The following ROBO2 variants were observed in gnomAD, a reference collection of about 807,000 sequenced individuals.
ROBO2 encodes the protein roundabout homolog 2.
Under a neutral mutation model 160.8 loss-of-function variants are expected in ROBO2, and 53 were observed. The observed-to-expected ratio is 0.33, with a 90% CI of 0.26 to 0.41. The LOEUF (loss-of-function observed/expected upper bound fraction) is 0.41, where lower values mean the gene tolerates loss of function less well. ROBO2 is among the 10% of genes least tolerant of loss of function. The pLI, the probability that ROBO2 is intolerant of heterozygous loss-of-function variation, is 1.00. For synonymous variants in ROBO2, 664 were observed against 611.7 expected (o/e 1.09, Z -1.26); for missense variants, 1,577 against 1,722.4 (o/e 0.92, Z 1.49).
intron 2 of ROBO2, among the ~76,000 whole-genome samples, chr3:76,654,239 C>T (rs17745224): frequency 0.17 from 25,444 of 152,084 alleles, 2,329 homozygotes; most frequent in Non-Finnish European, 0.2. Context: ...CAAGGGGCTT[C>T]TGAAATAGAT....
chr3:76,053,283 G>A (rs954035733), intron 2 of ROBO2, among the ~76,000 whole-genome samples: 1 of 152,000 alleles, frequency 6.6e-6, no homozygotes, highest in African/African-American at 2.4e-5. Context: ...CTAACGCAAA[G>A]TTACTGAGAC....
chr3:76,782,238 T>C (rs573568247), intron 2 of ROBO2, among the ~76,000 whole-genome samples: 4 of 150,916 alleles, frequency 2.7e-5, no homozygotes, highest in African/African-American at 7.2e-5. Flanking sequence ...CATACCGTTA[T>C]GGTAGAAAAG....
chr3:77,603,892 T>C (rs954102895), intron 20 of ROBO2: 2 of 152,182 alleles, frequency 1.3e-5, no homozygotes, highest in Non-Finnish European at 1.5e-5. Context: ...TTTAATTTGT[T>C]TGGATTAACT....
chr3:77,400,085 G>T (rs775587231), intron 2 of ROBO2, among the ~76,000 whole-genome samples: 29 of 152,166 alleles, frequency 1.9e-4, no homozygotes, highest in Non-Finnish European at 3.8e-4. Flanking sequence ...AGCTAGTAAT[G>T]AAAGCATTGA....
intron 2 of ROBO2, among the ~76,000 whole-genome samples, chr3:76,452,064 GTCTT>G (rs1008779832): frequency 1.1e-4 from 17 of 152,134 alleles, no homozygotes; most frequent in African/African-American, 3.9e-4. Flanking sequence ...GCAAACGTTT[GTCTT>G]TCTAAATATT....
At chr3:76,053,009 T>C (rs1231692487) in intron 2 of ROBO2, among the ~76,000 whole-genome samples, 1 of 151,986 alleles carries the variant, frequency 6.6e-6, no homozygotes, top group East Asian at 1.9e-4. Context: ...AGCTTTAACT[T>C]TGAGATAATT....
At chr3:76,768,206 C>A (rs912062530) in intron 2 of ROBO2, among the ~76,000 whole-genome samples, 3 of 151,234 alleles carry the variant, frequency 2.0e-5, no homozygotes, top group East Asian at 2.0e-4. Flanking sequence ...ATATACTAAT[C>A]TTTATTGTGA....
Position 77,503,474 on chromosome 3 carries a change from A to G in ROBO2, c.806+10092A>G, listed in dbSNP as rs544743554. Among the ~76,000 whole-genome samples, 106 of 151,202 alleles carry G rather than the reference A, an allele frequency of 7.0e-4. 1 individual carries two copies. The East Asian group carries it at 0.019, about 27-fold the overall frequency. On this transcript the variant is annotated intron_variant, in intron 5 of 25. Coordinates refer to ENST00000461745, the Ensembl canonical transcript of ROBO2. Reference sequence around the variant, plus strand: ...GGGAGGCAGAGCTTGCAGTGAGCCAAGATCGCGCCACTGCACTCCAGCCTG... The same window carrying G: ...GGGAGGCAGAGCTTGCAGTGAGCCAGGATCGCGCCACTGCACTCCAGCCTG...
At chr3:76,685,270 G>C (rs886947104) in intron 2 of ROBO2, among the ~76,000 whole-genome samples, 1 of 150,710 alleles carries the variant, frequency 6.6e-6, no homozygotes, top group Admixed American at 6.6e-5. Flanking sequence ...GACAGTCGAG[G>C]TTTTGAAGCA....
chr3:76,038,845 A>C (rs1344490717), intron 2 of ROBO2, among the ~76,000 whole-genome samples: 1 of 151,518 alleles, frequency 6.6e-6, no homozygotes, highest in Non-Finnish European at 1.5e-5. Context: ...GTGTCTAGTA[A>C]TCTTACACTG....
chr3:76,912,340 A>T (rs1237932796), intron 2 of ROBO2, among the ~76,000 whole-genome samples: 2 of 152,200 alleles, frequency 1.3e-5, no homozygotes, highest in African/African-American at 4.8e-5. Flanking sequence ...GATAGTTTTT[A>T]AAAATTATAT....
intron 2 of ROBO2, among the ~76,000 whole-genome samples, chr3:76,162,389 A>G (rs2072675879): frequency 6.6e-6 from 1 of 152,110 alleles, no homozygotes; most frequent in Non-Finnish European, 1.5e-5. Context: ...AGCCCACTAT[A>G]GGATCAAACT....
intron 2 of ROBO2, among the ~76,000 whole-genome samples, chr3:77,031,025 T>C (rs900985580): frequency 6.6e-6 from 1 of 152,198 alleles, no homozygotes; most frequent in South Asian, 2.1e-4. Flanking sequence ...ATATGCATGA[T>C]AGTAGGTACA....
At chr3:76,952,018 T>C (rs906107887) in intron 2 of ROBO2, among the ~76,000 whole-genome samples, 1 of 152,218 alleles carries the variant, frequency 6.6e-6, no homozygotes, top group Non-Finnish European at 1.5e-5. Context: ...TACATATCTT[T>C]AGTAAATTGT....
At chr3:77,576,100 C>T (rs1213169506) in intron 14 of ROBO2, among the ~76,000 whole-genome samples, 1 of 152,026 alleles carries the variant, frequency 6.6e-6, no homozygotes, top group Non-Finnish European at 1.5e-5. Flanking sequence ...ATGAGAAACC[C>T]ATTCTGAAAG....
intron 2 of ROBO2, among the ~76,000 whole-genome samples, chr3:76,864,013 G>A (rs1040231831): frequency 1.3e-5 from 2 of 151,982 alleles, no homozygotes; most frequent in African/African-American, 4.8e-5. Context: ...ATTTCCAGGT[G>A]AGTGGGCATT....
In ROBO2 at chr3:77,602,195, C is replaced by G. The variant is rs746822515; in HGVS notation, c.2855-15C>G. ...TGCCTCATTAAATTGTTTCATTTCC[C>G]TATGTTCACCACAGATGTGCTGCCA... On this transcript the variant is annotated splice_polypyrimidine_tract_variant and intron_variant, in intron 19 of 25. Transcript: ENST00000461745. 1.2e-6 allele frequency: 2 copies of G among 1,614,030 alleles called. No homozygotes were observed. Among genetic ancestry groups the G allele is most frequent in the South Asian group, 2.2e-5 (2 of 91,076 alleles).
chr3:77,429,872 G>A (rs189923863), intron 2 of ROBO2, among the ~76,000 whole-genome samples: 4 of 152,046 alleles, frequency 2.6e-5, no homozygotes, highest in South Asian at 2.1e-4. Flanking sequence ...TCTTAGCTGC[G>A]GTGCTCACTA....
rs989044229 is a variant in ROBO2 at position 76,542,211 on chromosome 3, T to A, written c.110-555803T>A. ...TTCTATATTTTTTTTAAAAGTGAAG[T>A]AAATTTGTTATTGATTGCTGGGCCA... On this transcript the variant is annotated intron_variant, in intron 2 of 26. Transcript: ENST00000487694. 2.6e-5 allele frequency among the ~76,000 whole-genome samples: 4 copies of A among 152,154 alleles called. 1 individual carries two copies. Among genetic ancestry groups the A allele is most frequent in the Non-Finnish European group, 5.9e-5 (4 of 68,028 alleles).
Sources: allele counts gnomAD v4.1 joint callset (sites outside exome capture counted in the v4.1 genomes callset), GRCh38; gene constraint gnomAD v4.1.1; transcripts MANE v1.5; gene names NCBI Gene and HGNC (gene_info 2026-07-23, HGNC 2026-07-21).